The following AKAP19 variants were observed in gnomAD, a reference collection of about 807,000 sequenced individuals.
The protein encoded by AKAP19 is small A-kinase anchoring protein.
At chr2:190,073,956 C>T in the AKAP19 span, among the ~76,000 whole-genome samples, 3 of 151,406 alleles carry the variant, frequency 2.0e-5, no homozygotes, top group Non-Finnish European at 4.4e-5. Context: ...GAGGCTGAAT[C>T]GCTTGAACCT....
At chr2:190,060,262 C>T in the AKAP19 span, 20 of 1,612,860 alleles carry the variant, frequency 1.2e-5, no homozygotes, top group East Asian at 2.2e-5. Flanking sequence ...TACCTTGTAC[C>T]GTCTTTCATA....
At chr2:189,945,072 C>T in the AKAP19 span, among the ~76,000 whole-genome samples, 1 of 152,196 alleles carries the variant, frequency 6.6e-6, no homozygotes, top group East Asian at 1.9e-4. Flanking sequence ...ATACCAAAAT[C>T]TATGGGATAC....
chr2:190,029,047 C>A, the AKAP19 span, among the ~76,000 whole-genome samples: 5 of 151,658 alleles, frequency 3.3e-5, no homozygotes, highest in African/African-American at 4.8e-5. Context: ...TAAGATGTAC[C>A]TGTAAGGATT....
At chr2:190,167,318 A>G in the AKAP19 span, among the ~76,000 whole-genome samples, 2 of 152,142 alleles carry the variant, frequency 1.3e-5, no homozygotes, top group African/African-American at 2.4e-5. Flanking sequence ...ACCTGCCCCC[A>G]TGTTTCAGTT....
At chr2:190,094,741 A>G in the AKAP19 span, among the ~76,000 whole-genome samples, 1,103 of 152,280 alleles carry the variant, frequency 7.2e-3, 5 homozygotes, top group Non-Finnish European at 0.012. Flanking sequence ...CCTCATTAGC[A>G]TTATATCCAA....
the AKAP19 span, among the ~76,000 whole-genome samples, chr2:190,199,431 G>A: frequency 6.9e-6 from 1 of 144,490 alleles, no homozygotes; most frequent in African/African-American, 2.9e-5. Context: ...AATTGTTTTG[G>A]TATAGATAAA....
At chr2:190,020,846 C>T in the AKAP19 span, among the ~76,000 whole-genome samples, 1 of 152,144 alleles carries the variant, frequency 6.6e-6, no homozygotes. Context: ...TATGAATTTG[C>T]ATGTTATTCA....
chr2:189,954,437 C>T, the AKAP19 span, among the ~76,000 whole-genome samples: 2 of 152,168 alleles, frequency 1.3e-5, no homozygotes, highest in Non-Finnish European at 2.9e-5. Context: ...GGTTTGGTGA[C>T]ATGTTTATAT....
chr2:190,026,971 T>G, the AKAP19 span, among the ~76,000 whole-genome samples: 2 of 152,198 alleles, frequency 1.3e-5, no homozygotes, highest in Non-Finnish European at 2.9e-5. Context: ...ATAAATTATA[T>G]TATTCCATAA....
At chr2:189,946,977 T>G in the AKAP19 span, among the ~76,000 whole-genome samples, 1 of 152,232 alleles carries the variant, frequency 6.6e-6, no homozygotes, top group Non-Finnish European at 1.5e-5. Flanking sequence ...AAATCTCAGC[T>G]TTGTCACTTA....
chr2:189,916,143 A>G, the AKAP19 span, among the ~76,000 whole-genome samples: 1 of 152,144 alleles, frequency 6.6e-6, no homozygotes, highest in Admixed American at 6.5e-5. Flanking sequence ...ACATGCAACC[A>G]TAAGTAATAG....
chr2:190,024,538 G>A, the AKAP19 span, among the ~76,000 whole-genome samples: 1 of 151,958 alleles, frequency 6.6e-6, no homozygotes, highest in East Asian at 1.9e-4. Context: ...CTGTGCTGAG[G>A]ATATCTAGGC....
the AKAP19 span, among the ~76,000 whole-genome samples, chr2:190,007,786 C>T: frequency 6.6e-6 from 1 of 152,062 alleles, no homozygotes; most frequent in African/African-American, 2.4e-5. Context: ...CATGGTGAAA[C>T]CCTTTCTCTA....
chr2:190,117,207 T>G, the AKAP19 span, among the ~76,000 whole-genome samples: 1 of 152,202 alleles, frequency 6.6e-6, no homozygotes, highest in Non-Finnish European at 1.5e-5. Flanking sequence ...ATATAGTGGC[T>G]TTCTTAAAGA....
the AKAP19 span, among the ~76,000 whole-genome samples, chr2:190,133,570 C>T: frequency 6.6e-6 from 1 of 152,152 alleles, no homozygotes; most frequent in African/African-American, 2.4e-5. Flanking sequence ...GATATCTGCA[C>T]CCCTATGTTC....
At chr2:189,996,559 A>C in the AKAP19 span, among the ~76,000 whole-genome samples, 1 of 152,144 alleles carries the variant, frequency 6.6e-6, no homozygotes, top group African/African-American at 2.4e-5. Context: ...TCCTTGAATA[A>C]GTTAATAATT....
At chr2:190,068,651 A>C in the AKAP19 span, among the ~76,000 whole-genome samples, 2 of 152,088 alleles carry the variant, frequency 1.3e-5, no homozygotes, top group African/African-American at 4.8e-5. Flanking sequence ...GTGTTTTTTA[A>C]ATAATTAAAC....
At chr2:189,934,687 A>G in the AKAP19 span, among the ~76,000 whole-genome samples, 1 of 151,162 alleles carries the variant, frequency 6.6e-6, no homozygotes, top group Non-Finnish European at 1.5e-5. Context: ...CCCCTTTTTA[A>G]TTTTTTTCTA....
chr2:190,042,721 C>T, the AKAP19 span, among the ~76,000 whole-genome samples: 1 of 152,084 alleles, frequency 6.6e-6, no homozygotes, highest in African/African-American at 2.4e-5. Context: ...ACATTAAGAC[C>T]TTTATCACTT....
Sources: gnomAD v4.1 joint callset for allele counts (sites outside exome capture counted in the v4.1 genomes callset) on GRCh38, gnomAD v4.1.1 for gene constraint, MANE v1.5 for transcripts, NCBI Gene and HGNC (gene_info 2026-07-23, HGNC 2026-07-21) for gene names.